The following MAGI1 variants were observed in gnomAD, a reference collection of about 807,000 sequenced individuals.
The protein encoded by MAGI1 is membrane-associated guanylate kinase, WW and PDZ domain-containing protein 1.
In MAGI1, 58 loss-of-function variants were observed where a neutral mutation model predicts 139.9. The observed-to-expected ratio is 0.41, with a 90% CI of 0.34 to 0.52. The LOEUF (loss-of-function observed/expected upper bound fraction) is 0.52. Ranked by LOEUF, MAGI1 falls within the 20% of genes least tolerant of loss-of-function variation. The pLI is 0.12. For missense variants in MAGI1, 1,874 were observed against 1,901.6 expected (o/e 0.99, Z 0.27); for synonymous variants, 812 against 737.9 (o/e 1.10, Z -1.63).
At chr3:65,828,952 C>T (rs530973650) in intron 1 of MAGI1, among the ~76,000 whole-genome samples, 1 of 152,240 alleles carries the variant, frequency 6.6e-6, no homozygotes, top group South Asian at 2.1e-4. Context: ...GGGAATGGCC[C>T]TCCGCTGACA....
intron 8 of MAGI1, among the ~76,000 whole-genome samples, chr3:65,441,721 G>A (rs1487836748): frequency 6.6e-6 from 1 of 152,188 alleles, no homozygotes; most frequent in Non-Finnish European, 1.5e-5. Context: ...GGTCAGAGGG[G>A]CAGCCAAGTT....
intron 2 of MAGI1, among the ~76,000 whole-genome samples, chr3:65,565,376 A>G (rs1372681304): frequency 1.3e-5 from 2 of 152,326 alleles, no homozygotes; most frequent in Admixed American, 1.3e-4. Flanking sequence ...AGGACCATTC[A>G]TGGCCAGAAA....
intron 1 of MAGI1, among the ~76,000 whole-genome samples, chr3:65,878,255 G>A (rs186808071): frequency 4.0e-4 from 61 of 152,182 alleles, no homozygotes; most frequent in Non-Finnish European, 5.0e-4. Context: ...GGTGGCTCAC[G>A]CCTGTAATCC....
chr3:65,576,729 A>G (rs1381717496), intron 2 of MAGI1, among the ~76,000 whole-genome samples: 1 of 152,212 alleles, frequency 6.6e-6, no homozygotes, highest in East Asian at 1.9e-4. Flanking sequence ...AGCTCAGGTC[A>G]TAATAAACTT....
intron 1 of MAGI1, among the ~76,000 whole-genome samples, chr3:65,860,708 A>T (rs1426144278): frequency 6.6e-6 from 1 of 152,164 alleles, no homozygotes; most frequent in Non-Finnish European, 1.5e-5. Flanking sequence ...TGGGGGAGAA[A>T]GGCAGGATGC....
At chr3:65,755,876 C>T (rs2036524612) in intron 1 of MAGI1, among the ~76,000 whole-genome samples, 1 of 152,188 alleles carries the variant, frequency 6.6e-6, no homozygotes, top group South Asian at 2.1e-4. Flanking sequence ...TATGCATTAT[C>T]ATGCTGCAAT....
chr3:65,419,229 C>CACACACACACACACAT (rs1553641816), intron 12 of MAGI1, among the ~76,000 whole-genome samples: 4 of 144,716 alleles, frequency 2.8e-5, no homozygotes, highest in African/African-American at 1.0e-4. Context: ...CATACACACA[C>CACACACACACACACAT]ACACACACAC....
intron 12 of MAGI1, among the ~76,000 whole-genome samples, chr3:65,404,364 ATCCCAGC>A (rs1446710507): frequency 6.6e-6 from 1 of 152,202 alleles, no homozygotes; most frequent in Non-Finnish European, 1.5e-5. Flanking sequence ...ATTCCAGAAG[ATCCCAGC>A]TCAACTGACA....
At chr3:65,415,822 G>A (rs1946172756) in intron 12 of MAGI1, among the ~76,000 whole-genome samples, 1 of 152,138 alleles carries the variant, frequency 6.6e-6, no homozygotes, top group East Asian at 1.9e-4. Flanking sequence ...TTAAAACTGG[G>A]GAGACGGGGG....
At chr3:65,473,629 T>C (rs1420734214) in intron 4 of MAGI1, among the ~76,000 whole-genome samples, 2 of 113,920 alleles carry the variant, frequency 1.8e-5, no homozygotes, top group Admixed American at 1.2e-4. Context: ...GCTGAGTGTC[T>C]ACATGTTTAC....
chr3:66,017,104 T>A (rs577586048), intron 1 of MAGI1, among the ~76,000 whole-genome samples: 1 of 152,234 alleles, frequency 6.6e-6, no homozygotes, highest in East Asian at 1.9e-4. Context: ...CTTAATTGTA[T>A]AATTAAAATG....
At chr3:65,436,144 CAAT>C (rs778343671) in intron 10 of MAGI1, among the ~76,000 whole-genome samples, 13 of 151,914 alleles carry the variant, frequency 8.6e-5, no homozygotes, top group Non-Finnish European at 1.8e-4. Flanking sequence ...AATCTAGTGA[CAAT>C]GTCAGCTAGC....
intron 1 of MAGI1, among the ~76,000 whole-genome samples, chr3:65,726,956 CAAAAAAA>C (rs539578446): frequency 2.0e-5 from 2 of 102,210 alleles, no homozygotes; most frequent in South Asian, 3.3e-4. Flanking sequence ...CTCCAAAATC[CAAAAAAA>C]AAAAAAAAAA....
intron 2 of MAGI1, among the ~76,000 whole-genome samples, chr3:65,515,583 T>C (rs2077828449): frequency 6.6e-6 from 1 of 152,214 alleles, no homozygotes; most frequent in Non-Finnish European, 1.5e-5. Context: ...TATAAAAAGT[T>C]AATGCTGTAG....
intron 1 of MAGI1, among the ~76,000 whole-genome samples, chr3:65,867,455 C>A (rs987715758): frequency 6.6e-6 from 1 of 152,140 alleles, no homozygotes; most frequent in Admixed American, 6.5e-5. Context: ...GAGTGGGAGG[C>A]CAGGCATGGT....
At chr3:65,566,921 C>T (rs2080685619) in intron 2 of MAGI1, among the ~76,000 whole-genome samples, 1 of 152,118 alleles carries the variant, frequency 6.6e-6, no homozygotes, top group Non-Finnish European at 1.5e-5. Flanking sequence ...TAATTAAAAT[C>T]TTGTGAATGC....
chr3:65,416,722 A>G (rs1378110669), intron 12 of MAGI1, among the ~76,000 whole-genome samples: 1 of 152,200 alleles, frequency 6.6e-6, no homozygotes, highest in Non-Finnish European at 1.5e-5. Flanking sequence ...CAAACAATAA[A>G]GGGCATTTTC....
intron 1 of MAGI1, among the ~76,000 whole-genome samples, chr3:65,912,489 G>A (rs375032920): frequency 5.9e-5 from 9 of 152,212 alleles, no homozygotes; most frequent in East Asian, 5.8e-4. Context: ...TCCCTGTTTC[G>A]TCTAATAAAC....
rs1021271890 is a variant in MAGI1 at position 65,961,692 on chromosome 3, T to G, written c.313+76304A>C. Among the ~76,000 whole-genome samples, 6 of 152,300 alleles carry G rather than the reference T, an allele frequency of 3.9e-5. No homozygotes were observed. The East Asian group carries it at 1.2e-3, about 29-fold the overall frequency. On this transcript the variant is annotated intron_variant, in intron 1 of 22. Transcript: ENST00000402939. The stretch of plus-strand genomic sequence containing the variant: ...TAAGGCATTCCGCAGAAAACAGGGT[T>G]CCTTGTATTCAGCGCAGTCAGGAGG...
Sources: gnomAD v4.1 joint callset for allele counts (sites outside exome capture counted in the v4.1 genomes callset) on GRCh38, gnomAD v4.1.1 for gene constraint, MANE v1.5 for transcripts, NCBI Gene and HGNC (gene_info 2026-07-23, HGNC 2026-07-21) for gene names.